Variants in LRP1B observed in about 807,000 individuals in gnomAD.
LRP1B encodes low-density lipoprotein receptor-related protein 1B.
Under a neutral mutation model 556.6 loss-of-function variants are expected in LRP1B, and 217 were observed. That is an observed-to-expected ratio of 0.39 (90% CI 0.35 to 0.44). The LOEUF (loss-of-function observed/expected upper bound fraction) is 0.44. Ranked by LOEUF, LRP1B falls within the 20% of genes least tolerant of loss-of-function variation. The probability of loss-of-function intolerance (pLI) is 1.00; values close to 1 mark genes in which losing one functional copy is unlikely to be tolerated. For synonymous variants in LRP1B, 2,047 were observed against 1,865.8 expected (o/e 1.10, Z -2.50); for missense variants, 5,053 against 5,620.8 (o/e 0.90, Z 3.23).
rs1686686328 is a variant in LRP1B, at chr2:140,702,528, G to T, written c.6049C>A (p.Gln2017Lys). The change falls in exon 38 of 91, where the codon CAA becomes AAA. Residue 2017 changes from glutamine to lysine, a missense_variant. This residue lies in a region of LRP1B where 3,619 missense variants were observed against 3,931.9 expected (regional missense o/e 0.92). Transcript: ENST00000389484. ...CGAGCCTTTCCAATACAGGGCATTT[G>T]TCCCCATTCAGTCCAGAACAAGAGG... The part of the protein sequence containing the change: ...KGLLFWTEWG[Q>K]MPCIGKARLD... 2 of 1,613,254 alleles carry T rather than the reference G, an allele frequency of 1.2e-6. No homozygotes were observed. Among genetic ancestry groups the T allele is most frequent in the Non-Finnish European group, 8.5e-7 (1 of 1,179,538 alleles).
At chr2:140,309,828 T>C (rs1237778954) in intron 83 of LRP1B, among the ~76,000 whole-genome samples, 1 of 151,852 alleles carries the variant, frequency 6.6e-6, no homozygotes, top group African/African-American at 2.4e-5. Flanking sequence ...GCTCATATTA[T>C]ACAGCAGTTG....
chr2:141,111,657 C>T (rs1033790454), intron 7 of LRP1B, among the ~76,000 whole-genome samples: 1 of 152,132 alleles, frequency 6.6e-6, no homozygotes, highest in Admixed American at 6.5e-5. Context: ...GCCCTATCAG[C>T]TTGTATGTAA....
At chr2:141,763,219 C>T (rs1023229152) in intron 2 of LRP1B, among the ~76,000 whole-genome samples, 2 of 151,964 alleles carry the variant, frequency 1.3e-5, no homozygotes, top group African/African-American at 2.4e-5. Context: ...GTATGTATAA[C>T]CTGGTGGTGG....
At chr2:142,121,507 T>C (rs1707455496) in intron 1 of LRP1B, among the ~76,000 whole-genome samples, 1 of 152,122 alleles carries the variant, frequency 6.6e-6, no homozygotes, top group Admixed American at 6.6e-5. Flanking sequence ...AAATCACAAC[T>C]TCCTCTCAAG....
intron 1 of LRP1B, among the ~76,000 whole-genome samples, chr2:141,882,723 A>G (rs935262386): frequency 1.3e-5 from 2 of 152,128 alleles, no homozygotes; most frequent in African/African-American, 2.4e-5. Flanking sequence ...TATCAAGAAC[A>G]TAATAGTTAG....
intron 2 of LRP1B, among the ~76,000 whole-genome samples, chr2:141,722,974 C>T (rs1051832029): frequency 3.3e-5 from 5 of 152,062 alleles, no homozygotes; most frequent in East Asian, 1.9e-4. Flanking sequence ...TGGTGGCTTG[C>T]GTGTTTTTGC....
chr2:141,521,217 A>G (rs1684518564), intron 2 of LRP1B, among the ~76,000 whole-genome samples: 1 of 152,142 alleles, frequency 6.6e-6, no homozygotes. Flanking sequence ...ACCCTTTCAC[A>G]TTTAAACCCT....
At chr2:140,296,798 C>A (rs1017387510) in intron 84 of LRP1B, among the ~76,000 whole-genome samples, 1 of 152,178 alleles carries the variant, frequency 6.6e-6, no homozygotes, top group East Asian at 1.9e-4. Context: ...ATTAACTTGA[C>A]TTTCATAAAA....
chr2:141,326,130 A>G lies in LRP1B; in HGVS notation c.344-71489T>C, dbSNP rs371102180. Among the ~76,000 whole-genome samples, 77 of 152,272 alleles carry G rather than the reference A, an allele frequency of 5.1e-4. No individual in the cohort carries two copies. The South Asian group carries it at 0.016, about 31-fold the overall frequency. On this transcript the variant is annotated intron_variant, in intron 3 of 90. Coordinates refer to ENST00000389484, the MANE Select transcript of LRP1B (RefSeq NM_018557.3). ...AAGATGAATATTCATTTACACAGAGAGACATCTACTGAGCTTGTCATCTGT... is the reference window on the plus strand; with the variant it reads ...AAGATGAATATTCATTTACACAGAGGGACATCTACTGAGCTTGTCATCTGT...
At chr2:141,841,218 G>A (rs552098896) in intron 1 of LRP1B, among the ~76,000 whole-genome samples, 3 of 152,216 alleles carry the variant, frequency 2.0e-5, no homozygotes, top group African/African-American at 7.2e-5. Flanking sequence ...GGCTTATTGA[G>A]TGTTACTCTT....
intron 29 of LRP1B, among the ~76,000 whole-genome samples, chr2:140,842,202 T>C (rs1692131374): frequency 6.6e-6 from 1 of 152,154 alleles, no homozygotes; most frequent in African/African-American, 2.4e-5. Context: ...GAAAGCTAGA[T>C]TTTTTAATGT....
intron 41 of LRP1B, among the ~76,000 whole-genome samples, chr2:140,652,251 G>T (rs1349355399): frequency 2.6e-5 from 4 of 151,674 alleles, no homozygotes; most frequent in Non-Finnish European, 5.9e-5. Context: ...TGATGGGAAA[G>T]ACAAATTTGA....
At chr2:141,599,993 C>G in intron 2 of LRP1B, among the ~76,000 whole-genome samples, 1 of 152,082 alleles carries the variant, frequency 6.6e-6, no homozygotes, top group East Asian at 1.9e-4. Flanking sequence ...TTTATTATTG[C>G]TCCTTAGTGG....
At chr2:141,044,181 A>G (rs1015878907) in intron 11 of LRP1B, among the ~76,000 whole-genome samples, 2 of 151,686 alleles carry the variant, frequency 1.3e-5, no homozygotes, top group Non-Finnish European at 2.9e-5. Context: ...AGGATTCCCT[A>G]TTTAATAAAT....
chr2:141,548,798 A>G (rs144041166), intron 2 of LRP1B, among the ~76,000 whole-genome samples: 28 of 152,294 alleles, frequency 1.8e-4, no homozygotes, highest in African/African-American at 6.5e-4. Flanking sequence ...TAAGACATCC[A>G]GTATTTATGT....
At chr2:141,862,014 A>C (rs1224488184) in intron 1 of LRP1B, among the ~76,000 whole-genome samples, 1 of 152,210 alleles carries the variant, frequency 6.6e-6, no homozygotes. Flanking sequence ...CTTAGTCATA[A>C]ATGCACAAAC....
chr2:141,557,360 T>G (rs1685997696), intron 2 of LRP1B, among the ~76,000 whole-genome samples: 1 of 151,946 alleles, frequency 6.6e-6, no homozygotes, highest in South Asian at 2.1e-4. Flanking sequence ...AACCACCATT[T>G]CAGTGTGGCA....
chr2:141,109,120 C>T (rs1481349671), intron 7 of LRP1B, among the ~76,000 whole-genome samples: 1 of 152,130 alleles, frequency 6.6e-6, no homozygotes, highest in African/African-American at 2.4e-5. Flanking sequence ...CACCTGATGG[C>T]CCCACCCAGA....
rs551035966 is a variant in LRP1B, at chr2:140,317,826, T to C, written c.12641-2727A>G. Among the ~76,000 whole-genome samples, 3 of 152,194 alleles carry C rather than the reference T, an allele frequency of 2.0e-5. No homozygotes were observed. The South Asian group carries it at 6.2e-4, about 32-fold the overall frequency. ...TTACATGTTAGGGCATGCGCGTTAC[T>C]ATAACGTGCCTCATTAGGCACCAGA... On this transcript the variant is annotated intron_variant, in intron 82 of 90. Transcript: ENST00000389484.
Sources: allele counts gnomAD v4.1 joint callset (sites outside exome capture counted in the v4.1 genomes callset), GRCh38; gene constraint gnomAD v4.1.1; regional missense constraint gnomAD v4.1.1; transcripts MANE v1.5; gene names NCBI Gene and HGNC (gene_info 2026-07-23, HGNC 2026-07-21).